MIB1: variants seen among roughly 807,000 people sequenced by gnomAD.
MIB1 encodes E3 ubiquitin-protein ligase MIB1.
A neutral mutation model predicts 124.5 loss-of-function variants in MIB1; 278 were observed. The ratio of observed to expected loss-of-function variants is 2.23; its 90% CI spans 2.02 to 2.47. The LOEUF is 2.47. MIB1 is among the 30% of genes most tolerant of loss of function. The pLI is 0.00. For synonymous variants in MIB1, 446 were observed against 429.4 expected, an observed-to-expected ratio of 1.04 and a Z score of -0.48; for missense variants, 957 against 1,254.4, an observed-to-expected ratio of 0.76 and a Z score of 3.58.
At chr18:21,840,117 T>C (rs1364173437) in intron 13 of MIB1, among the ~76,000 whole-genome samples, 1 of 152,218 alleles carries the variant, frequency 6.6e-6, no homozygotes, top group Admixed American at 6.5e-5. Flanking sequence ...TGCTAGTATA[T>C]ATAAATACAA....
intron 18 of MIB1, among the ~76,000 whole-genome samples, chr18:21,856,437 T>A (rs951094996): frequency 1.3e-4 from 20 of 152,266 alleles, no homozygotes; most frequent in Admixed American, 5.9e-4. Flanking sequence ...ATTAAAAAAG[T>A]AATCACTAAG....
At chr18:21,724,721 AAAAAAAAT>A (rs1175694611) in intron 1 of MIB1, among the ~76,000 whole-genome samples, 6 of 58,094 alleles carry the variant, frequency 1.0e-4, no homozygotes, top group African/African-American at 1.3e-4. Flanking sequence ...CCAAAAAAAA[AAAAAAAAT>A]ATATATATAT....
intron 10 of MIB1, among the ~76,000 whole-genome samples, chr18:21,810,833 C>T (rs530233076): frequency 6.6e-6 from 1 of 152,024 alleles, no homozygotes; most frequent in South Asian, 2.1e-4. Context: ...GCAGTGATTC[C>T]TTGGATATGA....
In MIB1 at chr18:21,865,868, A is replaced by C. The variant is rs1418760472; in HGVS notation, c.*1202A>C. The C allele has an allele frequency of 2.0e-5, 3 of 152,402 alleles. No homozygotes were observed. Among genetic ancestry groups the C allele is most frequent in the Non-Finnish European group, 2.9e-5 (2 of 68,038 alleles). 9.4% of individuals were successfully genotyped at this position (152,402 alleles called of 1,614,324 possible). ...TATAAATACTTTAGAAAGAGTGACC[A>C]GGACATGTATAGAAATGTCTGCTTA... On this transcript the variant is annotated 3_prime_UTR_variant, in exon 21 of 21. Coordinates refer to ENST00000261537, the MANE Select transcript of MIB1 (RefSeq NM_020774.4).
chr18:21,818,849 C>T (rs921068918), intron 11 of MIB1, among the ~76,000 whole-genome samples: 5 of 152,074 alleles, frequency 3.3e-5, no homozygotes, highest in South Asian at 2.1e-4. Flanking sequence ...GCAGGAGAAT[C>T]GCTTGAAACC....
chr18:21,769,076 T>C (rs1469330118), intron 3 of MIB1, among the ~76,000 whole-genome samples: 1 of 152,196 alleles, frequency 6.6e-6, no homozygotes, highest in African/African-American at 2.4e-5. Context: ...TTTCCTGCTA[T>C]TTAAATTTCA....
chr18:21,791,383 C>A lies in MIB1; in HGVS notation c.918C>A (p.Phe306Leu), dbSNP rs1389735407. The A allele has an allele frequency of 6.2e-7, 1 of 1,607,140 alleles. No individual in the cohort carries two copies. Among genetic ancestry groups the A allele is most frequent in the African/African-American group, 1.3e-5 (1 of 74,724 alleles). Residue 306 changes from phenylalanine (F) to leucine (L), a missense_variant, in exon 7 of 21, where the codon TTC becomes TTA. By Grantham distance (22) the Phe-to-Leu change is conservative (BLOSUM62 0). Transcript: ENST00000261537. ...AGCTTTGCTCTTGTAGGTGGACCTT[C>A]AATCCTGCTGTTCTCACTAAAGCGA... ...VQYPSGNRWTFNPAVLTKANI... is the reference protein window; with the variant it reads ...VQYPSGNRWTLNPAVLTKANI...
intron 17 of MIB1, 46 bp downstream of exon 17, chr18:21,849,434 A>T: frequency 8.8e-7 from 1 of 1,142,322 alleles, no homozygotes; most frequent in Non-Finnish European, 1.2e-6. Context: ...TGAAGTTGAG[A>T]CTAGAATTAA....
In MIB1 at chr18:21,868,334, A is replaced by C. The variant is rs975006298; in HGVS notation, c.*3668A>C. The C allele has an allele frequency of 1.3e-5, 2 of 152,510 alleles. No homozygotes were observed. The highest frequency in any genetic ancestry group is 2.9e-5 in the Non-Finnish European group (2 of 67,912). 9.4% of individuals were successfully genotyped at this position (152,510 alleles called of 1,614,324 possible). On this transcript the variant is annotated 3_prime_UTR_variant, in exon 21 of 21. Transcript: ENST00000261537. ...ACTCCATATAAATCAAGAAACACCT[A>C]AATTCTTTAGTTGTTTGTGTTTGCA...
At chr18:21,785,698 TA>T (rs776735646) in intron 6 of MIB1, among the ~76,000 whole-genome samples, 1 of 152,226 alleles carries the variant, frequency 6.6e-6, no homozygotes, top group South Asian at 2.1e-4. Context: ...TAATTACTTT[TA>T]CCAGGGAATT....
chr18:21,847,139 A>G lies in MIB1; in HGVS notation c.2393+14A>G, dbSNP rs2042142294. On this transcript the variant is annotated intron_variant, in intron 16 of 20. Transcript: ENST00000261537. ...GGAAAAAGTCAGGTTTGTATTATTT[A>G]TTATCATAAAACTTAATATTCTGTA... 2 of 1,606,904 alleles carry G rather than the reference A, an allele frequency of 1.2e-6. No individual in the cohort carries two copies. Among genetic ancestry groups the G allele is most frequent in the African/African-American group, 2.7e-5 (2 of 74,742 alleles).
At chr18:21,712,238 A>G (rs1006266426) in intron 1 of MIB1, 2 of 152,346 alleles carry the variant, frequency 1.3e-5, no homozygotes, top group Admixed American at 1.3e-4. Context: ...TTTTTTTCTA[A>G]TTCTATTTGT....
At chr18:21,823,004 C>CA (rs1568215820) in intron 12 of MIB1, among the ~76,000 whole-genome samples, 1 of 152,004 alleles carries the variant, frequency 6.6e-6, no homozygotes, top group Non-Finnish European at 1.5e-5. Flanking sequence ...GAGGCCAACT[C>CA]AGGCAGATCA....
intron 1 of MIB1, among the ~76,000 whole-genome samples, chr18:21,759,543 T>C (rs2041074728): frequency 6.6e-6 from 1 of 152,138 alleles, no homozygotes; most frequent in Non-Finnish European, 1.5e-5. Context: ...GCCTGGCCTT[T>C]GTATTCCATA....
At chr18:21,791,687 A>G (rs754301349) in intron 7 of MIB1, 130 bp downstream of exon 7, 5 of 627,806 alleles carry the variant, frequency 8.0e-6, no homozygotes, top group East Asian at 6.2e-5. Flanking sequence ...GCACCTAGAC[A>G]TACTCGTGCA....
intron 10 of MIB1, among the ~76,000 whole-genome samples, chr18:21,815,240 C>T (rs1327792354): frequency 1.3e-5 from 2 of 151,528 alleles, no homozygotes; most frequent in Admixed American, 6.6e-5. Context: ...GCGATCATAG[C>T]TCACTGTAAC....
chr18:21,781,923 G>C (rs571873361), intron 6 of MIB1, among the ~76,000 whole-genome samples: 2 of 152,060 alleles, frequency 1.3e-5, no homozygotes, highest in Non-Finnish European at 2.9e-5. Context: ...TCTACCTAAA[G>C]ATTTGTTGAT....
intron 6 of MIB1, among the ~76,000 whole-genome samples, chr18:21,785,121 A>C (rs1303602525): frequency 1.3e-5 from 2 of 152,168 alleles, no homozygotes; most frequent in Admixed American, 6.5e-5. Flanking sequence ...AAAATAGGGA[A>C]GGGCTCCCTG....
At chr18:21,799,015 G>T (rs1434966590) in intron 8 of MIB1, among the ~76,000 whole-genome samples, 1 of 151,954 alleles carries the variant, frequency 6.6e-6, no homozygotes, top group South Asian at 2.1e-4. Context: ...TAAATCCAGT[G>T]TTTATTTTTA....
Sources: gnomAD v4.1 joint callset for allele counts (sites outside exome capture counted in the v4.1 genomes callset) on GRCh38, gnomAD v4.1.1 for gene constraint, MANE v1.5 for transcripts, NCBI Gene and HGNC (gene_info 2026-07-23, HGNC 2026-07-21) for gene names.